Variants in STK4 observed in about 807,000 individuals in gnomAD.
STK4 encodes serine/threonine-protein kinase 4.
Under a neutral mutation model 64.9 loss-of-function variants are expected in STK4, and 30 were observed. The observed-to-expected ratio is 0.46, with a 90% confidence interval of 0.35 to 0.63. STK4 has a LOEUF of 0.63. STK4 is among the 20% of genes least tolerant of loss of function. STK4 has a pLI of 0.01. For synonymous variants in STK4, 177 were observed against 199.0 expected, an observed-to-expected ratio of 0.89 and a Z score of 0.93; for missense variants, 466 against 598.5, an observed-to-expected ratio of 0.78 and a Z score of 2.31.
intron 10 of STK4, among the ~76,000 whole-genome samples, chr20:45,045,431 C>T (rs1222205957): frequency 1.3e-5 from 2 of 152,114 alleles, no homozygotes; most frequent in South Asian, 4.1e-4. Context: ...TGTGTTTTCT[C>T]ACATGAAAAC....
Position 45,075,248 on chromosome 20 carries a change from T to G in STK4, c.*72T>G. On this transcript the variant is annotated 3_prime_UTR_variant, in exon 11 of 11. Coordinates refer to ENST00000372806, the MANE Select transcript of STK4 (RefSeq NM_006282.5). ...AATTCTGGATGGCTTGCCTCATGTTTGTTAGCCAGCACTTCTGCTCTGTCG... is the reference window on the plus strand; with the variant it reads ...AATTCTGGATGGCTTGCCTCATGTTGGTTAGCCAGCACTTCTGCTCTGTCG... 1 of 1,559,562 alleles carries G rather than the reference T, an allele frequency of 6.4e-7. No individual in the cohort carries two copies. Among genetic ancestry groups the G allele is most frequent in the Non-Finnish European group, 8.7e-7 (1 of 1,154,220 alleles).
At position 45,079,919 on chromosome 20, in the gene STK4, G is replaced by A. The variant is rs988470135; in HGVS notation, c.*4743G>A. 3 of 151,990 alleles carry A rather than the reference G, an allele frequency of 2.0e-5. No homozygotes were observed. Among genetic ancestry groups the A allele is most frequent in the Admixed American group, 6.6e-5 (1 of 15,250 alleles). The allele number at this position is 151,990 out of a possible 1,614,324, so 9.4% of individuals were successfully genotyped here. ...TTTTCTTCTTCCTATACCTCATCAC[G>A]TTTGTTTTAAATAAACTGTCCTTTG... is the stretch of plus-strand genomic sequence containing the variant. On this transcript the variant is annotated 3_prime_UTR_variant, in exon 11 of 11. Coordinates refer to ENST00000372806, the MANE Select transcript of STK4 (RefSeq NM_006282.5).
chr20:45,064,053 C>T (rs1979341490), intron 10 of STK4, among the ~76,000 whole-genome samples: 1 of 151,672 alleles, frequency 6.6e-6, no homozygotes, highest in Admixed American at 6.6e-5. Flanking sequence ...CGTGATCTGC[C>T]CACCTCAGCC....
intron 10 of STK4, among the ~76,000 whole-genome samples, chr20:45,058,758 C>T (rs942047803): frequency 1.3e-5 from 2 of 152,070 alleles, no homozygotes; most frequent in Non-Finnish European, 2.9e-5. Context: ...AACAGTAGCT[C>T]GGTGCAGTTG....
At chr20:44,988,196 A>G (rs1414634049) in intron 5 of STK4, among the ~76,000 whole-genome samples, 2 of 152,060 alleles carry the variant, frequency 1.3e-5, no homozygotes, top group Non-Finnish European at 2.9e-5. Context: ...AATTGAAAAA[A>G]TACACCCTCT....
At chr20:45,054,181 C>G (rs16989644) in intron 10 of STK4, among the ~76,000 whole-genome samples, 1 of 152,100 alleles carries the variant, frequency 6.6e-6, no homozygotes, top group Non-Finnish European at 1.5e-5. Flanking sequence ...TACTGCTGTC[C>G]GTGCTTCATT....
At chr20:45,058,596 G>T (rs1978702472) in intron 10 of STK4, among the ~76,000 whole-genome samples, 1 of 152,058 alleles carries the variant, frequency 6.6e-6, no homozygotes, top group African/African-American at 2.4e-5. Context: ...GGGATTCTTT[G>T]GGCTTTTTTT....
intron 3 of STK4, among the ~76,000 whole-genome samples, chr20:44,981,304 A>G (rs1440034556): frequency 6.6e-6 from 1 of 151,928 alleles, no homozygotes; most frequent in Admixed American, 6.6e-5. Flanking sequence ...ACAGGTGCAC[A>G]CTGCCACGGC....
chr20:45,053,922 G>A (rs1978310631), intron 10 of STK4, among the ~76,000 whole-genome samples: 1 of 149,904 alleles, frequency 6.7e-6, no homozygotes, highest in South Asian at 2.1e-4. Context: ...TTTTTTTTCA[G>A]CCAAAATTTG....
intron 9 of STK4, among the ~76,000 whole-genome samples, chr20:45,009,619 C>T (rs1352636502): frequency 3.9e-5 from 6 of 152,202 alleles, no homozygotes; most frequent in South Asian, 2.1e-4. Context: ...TAAATTGCTT[C>T]GGAGAGTATA....
At chr20:44,981,445 G>C (rs1194825626) in intron 3 of STK4, among the ~76,000 whole-genome samples, 3 of 152,128 alleles carry the variant, frequency 2.0e-5, no homozygotes, top group African/African-American at 7.2e-5. Context: ...GTGAGCCACT[G>C]CACCTGGCCC....
chr20:44,976,182 G>A (rs944573683), intron 2 of STK4, among the ~76,000 whole-genome samples: 3 of 152,132 alleles, frequency 2.0e-5, no homozygotes, highest in Admixed American at 1.3e-4. Flanking sequence ...TGGATAAACA[G>A]TAAACTAGAC....
intron 9 of STK4, among the ~76,000 whole-genome samples, chr20:45,015,640 C>T (rs1208536558): frequency 6.6e-6 from 1 of 152,150 alleles, no homozygotes; most frequent in Non-Finnish European, 1.5e-5. Context: ...AAGAGAAGGA[C>T]AAAGGAGTAG....
chr20:45,006,081 AT>A lies in STK4; in HGVS notation c.1147+4738del, dbSNP rs943982064. Among the ~76,000 whole-genome samples, 468 of 139,960 alleles carry A rather than the reference AT, an allele frequency of 3.3e-3. 2 individuals are homozygous for A. Among genetic ancestry groups the A allele is most frequent in the African/African-American group, 0.011 (433 of 37,924 alleles). 91.8% of individuals were successfully genotyped at this position (139,960 alleles called of 152,430 possible). On this transcript the variant is annotated intron_variant, in intron 9 of 10. Transcript: ENST00000372806. Reference sequence around the variant, plus strand: ...TTTTAACTTATTGTCTCTATGTTGGATTTTTTTTTTCCTTCTAATTCTGCTT... The same window carrying A: ...TTTTAACTTATTGTCTCTATGTTGGATTTTTTTTTCCTTCTAATTCTGCTT...
intron 9 of STK4, among the ~76,000 whole-genome samples, chr20:45,006,647 C>A (rs1041852350): frequency 6.6e-6 from 1 of 152,066 alleles, no homozygotes; most frequent in Admixed American, 6.5e-5. Flanking sequence ...ATCCCTAGGG[C>A]CCTATGGGGT....
chr20:45,003,114 C>G (rs1042960190), intron 9 of STK4, among the ~76,000 whole-genome samples: 11 of 151,962 alleles, frequency 7.2e-5, no homozygotes, highest in African/African-American at 2.7e-4. Flanking sequence ...CTCAAACTAT[C>G]CTCCCACCTC....
chr20:45,062,122 C>T (rs777148599), intron 10 of STK4, among the ~76,000 whole-genome samples: 1 of 152,128 alleles, frequency 6.6e-6, no homozygotes, highest in Non-Finnish European at 1.5e-5. Context: ...TCAAATGATC[C>T]TCCCACCTTG....
intron 10 of STK4, among the ~76,000 whole-genome samples, chr20:45,064,187 T>G (rs1315182398): frequency 6.6e-6 from 1 of 152,196 alleles, no homozygotes; most frequent in Non-Finnish European, 1.5e-5. Context: ...GGGATTCCTT[T>G]CCCCATTGCT....
At chr20:45,001,376 T>C in intron 9 of STK4, 23 bp downstream of exon 9, 1 of 1,595,618 alleles carries the variant, frequency 6.3e-7, no homozygotes, top group Non-Finnish European at 8.6e-7. Context: ...GTAAATTCAC[T>C]GACTTCTTAG....
Sources: allele counts gnomAD v4.1 joint callset (sites outside exome capture counted in the v4.1 genomes callset), GRCh38; gene constraint gnomAD v4.1.1; transcripts MANE v1.5; gene names NCBI Gene and HGNC (gene_info 2026-07-23, HGNC 2026-07-21).